Variants in CDCA7L observed in about 807,000 individuals in gnomAD.
CDCA7L encodes cell division cycle associated 7 like, also known as cell division cycle-associated 7-like protein.
Under a neutral mutation model 57.4 loss-of-function variants are expected in CDCA7L, and 44 were observed. The ratio of observed to expected loss-of-function variants is 0.77; its 90% confidence interval spans 0.60 to 0.98. The LOEUF (loss-of-function observed/expected upper bound fraction) is 0.98, where lower values mean the gene tolerates loss of function less well. Ranked by LOEUF, CDCA7L falls within the 50% of genes least tolerant of loss-of-function variation. The pLI is 0.00. For missense variants in CDCA7L, 644 were observed against 580.6 expected (o/e 1.11, Z -1.12); for synonymous variants, 236 against 202.8 (o/e 1.16, Z -1.39).
rs1784805884 is a variant in CDCA7L at position 21,901,173 on chromosome 7, C to T, written c.*1149G>A. ...GAACCAAACTGAGAGGCCCCAGCTACATCTGGACCTTCAGGCTGAAGAGCG... is the reference window on the plus strand; with the variant it reads ...GAACCAAACTGAGAGGCCCCAGCTATATCTGGACCTTCAGGCTGAAGAGCG... On this transcript the variant is annotated 3_prime_UTR_variant, in exon 10 of 10. Coordinates refer to ENST00000406877, the MANE Select transcript of CDCA7L (RefSeq NM_018719.5). 1.9e-6 allele frequency: 3 copies of T among 1,610,624 alleles called. No individual in the cohort carries two copies. The highest frequency in any genetic ancestry group is 1.3e-5 in the African/African-American group (1 of 74,854).
chr7:21,928,970 T>A (rs1785910389), intron 1 of CDCA7L, among the ~76,000 whole-genome samples: 1 of 151,512 alleles, frequency 6.6e-6, no homozygotes, highest in Non-Finnish European at 1.5e-5. Flanking sequence ...ACAAAGATAC[T>A]CCTCGAGAAG....
In CDCA7L at chr7:21,902,776, T is replaced by A. The variant is rs545687653; in HGVS notation, c.1334+202A>T. 5 of 552,634 alleles carry A rather than the reference T, an allele frequency of 9.0e-6. No individual in the cohort carries two copies. In the Admixed American group the frequency reaches 1.7e-4, roughly 19 times the overall value. The allele number at this position is 552,634 out of a possible 1,614,324, so 34.2% of individuals were successfully genotyped here. A position where few individuals can be genotyped will look rare whatever the true frequency, so the allele number is the denominator to read the frequency against. Reference sequence around the variant, plus strand: ...GGCAACGTGGAGTTGAGTTGAAAAATCTAGCAAAGGAGAAGATTCCCTAAT... The same window carrying A: ...GGCAACGTGGAGTTGAGTTGAAAAAACTAGCAAAGGAGAAGATTCCCTAAT... On this transcript the variant is annotated intron_variant, in intron 9 of 9. Coordinates refer to ENST00000406877, the MANE Select transcript of CDCA7L (RefSeq NM_018719.5).
Position 21,904,133 on chromosome 7 carries a change from C to G in CDCA7L, c.1174G>C (p.Val392Leu). Residue 392 changes from valine (V) to leucine (L), a missense_variant, in exon 8 of 10, where the codon GTC becomes CTC. By Grantham distance (32) the Val-to-Leu change is conservative. Transcript: ENST00000406877. Reference sequence around the variant, plus strand: ...ACCGGGTCCAGCAATGCCGATCTGACATCCTCCCCATAGCGGTTCCGCAGG... The same window carrying G: ...ACCGGGTCCAGCAATGCCGATCTGAGATCCTCCCCATAGCGGTTCCGCAGG... ...PCLRNRYGED[V>L]RSALLDPDWV... is the part of the protein sequence containing the mutation. 6.2e-7 allele frequency: 1 copy of G among 1,607,158 alleles called. No homozygotes were observed. The highest frequency in any genetic ancestry group is 8.5e-7 in the Non-Finnish European group (1 of 1,177,170).
intron 3 of CDCA7L, 80 bp from the exon 4 acceptor site, chr7:21,908,587 A>T: frequency 7.4e-7 from 1 of 1,350,618 alleles, no homozygotes; most frequent in Non-Finnish European, 9.8e-7. Context: ...AACAACTGAC[A>T]GCATTATGAG....
intron 1 of CDCA7L, among the ~76,000 whole-genome samples, chr7:21,925,751 T>G (rs902423116): frequency 1.3e-5 from 2 of 152,038 alleles, no homozygotes; most frequent in Non-Finnish European, 2.9e-5. Context: ...TAGCCAGGCA[T>G]AGTGGCATGT....
Position 21,903,041 on chromosome 7 carries a change from G to C in CDCA7L, c.1271C>G (p.Thr424Arg). Reference protein sequence around the residue: ...YCRKRDGRCATGILIHLAKFY... With the variant: ...YCRKRDGRCARGILIHLAKFY... ...CTTGGCCAGATGAATGAGGATTCCT[G>C]TGGCACAGCGGCCGTCACGCTTCCG... Residue 424 changes from threonine (T) to arginine (R), a missense_variant, in exon 9 of 10, where the codon ACA becomes AGA. By Grantham distance (71) the Thr-to-Arg change is moderately conservative (BLOSUM62 -1). Coordinates refer to ENST00000406877, the MANE Select transcript of CDCA7L (RefSeq NM_018719.5). 6.2e-7 allele frequency: 1 copy of C among 1,613,876 alleles called. No homozygotes were observed. The highest frequency in any genetic ancestry group is 8.5e-7 in the Non-Finnish European group (1 of 1,179,760).
chr7:21,923,107 C>T (rs146137285), intron 1 of CDCA7L, among the ~76,000 whole-genome samples: 70 of 152,278 alleles, frequency 4.6e-4, no homozygotes, highest in African/African-American at 1.6e-3. Context: ...CACTACTGAA[C>T]CATACATTTT....
At chr7:21,930,742 C>T (rs1785983697) in intron 1 of CDCA7L, among the ~76,000 whole-genome samples, 1 of 145,730 alleles carries the variant, frequency 6.9e-6, no homozygotes, top group Non-Finnish European at 1.5e-5. Flanking sequence ...GACGCAAGAG[C>T]CATCAAATTC....
rs776221731 is a variant in CDCA7L at position 21,908,463 on chromosome 7, C to T, written c.348G>A (p.Val116=). 1.3e-6 allele frequency: 2 copies of T among 1,554,758 alleles called. No homozygotes were observed. The highest frequency in any genetic ancestry group is 1.7e-6 in the Non-Finnish European group (2 of 1,158,150). The change falls in exon 4 of 10, where the codon GTG becomes GTA. Residue 116 remains valine, a synonymous_variant. Transcript: ENST00000406877. ...DLSDDGKASL[V]SEEEEDEEED... ...CTTCTTCATCTTCCTCTTCCTCGCT[C>T]ACCAAAGATGCTTTGCCATCATCAC... is the stretch of plus-strand genomic sequence containing the variant.
intron 8 of CDCA7L, 44 bp downstream of exon 8, chr7:21,904,066 C>CCTTCACCAATACAATTTA: frequency 6.6e-7 from 1 of 1,510,002 alleles, no homozygotes; most frequent in East Asian, 2.4e-5. Flanking sequence ...TAGCTTGCTT[C>CCTTCACCAATACAATTTA]CTTCACCAAT....
Position 21,945,772 on chromosome 7 carries a change from G to A in CDCA7L, c.24+9C>T, listed in dbSNP as rs1786506185. 3 of 1,599,372 alleles carry A rather than the reference G, an allele frequency of 1.9e-6. No individual in the cohort carries two copies. The highest frequency in any genetic ancestry group is 1.4e-5 in the African/African-American group (1 of 73,012). On this transcript the variant is annotated intron_variant, in intron 1 of 9. Transcript: ENST00000406877. ...GCGTCCGGACGGCGGCGGGCGGCCG[G>A]ACCCTCACCTGGTAGCGAGTCGCCA...
intron 1 of CDCA7L, among the ~76,000 whole-genome samples, chr7:21,945,549 A>G (rs10263850): frequency 0.052 from 7,915 of 151,784 alleles, 732 homozygotes; most frequent in African/African-American, 0.18. Context: ...CGCCAGGCTG[A>G]GCGCGGTTGT....
intron 1 of CDCA7L, among the ~76,000 whole-genome samples, chr7:21,924,255 G>A (rs536579874): frequency 1.3e-5 from 2 of 152,092 alleles, no homozygotes; most frequent in South Asian, 4.2e-4. Context: ...CTGATACAAG[G>A]GCTGATTCTG....
At chr7:21,938,684 G>A (rs1436067581) in intron 1 of CDCA7L, among the ~76,000 whole-genome samples, 4 of 152,144 alleles carry the variant, frequency 2.6e-5, no homozygotes, top group Non-Finnish European at 5.9e-5. Flanking sequence ...AAGATGGTAT[G>A]TACACATAAG....
rs999832075 is a variant in CDCA7L, at chr7:21,902,304, G to C, written c.*18C>G. ...GGAGTACTCTATGGTGAGGTGGCTGGTTCTGTTTGTTTTCCTCTTAATTGT... is the reference window on the plus strand; with the variant it reads ...GGAGTACTCTATGGTGAGGTGGCTGCTTCTGTTTGTTTTCCTCTTAATTGT... On this transcript the variant is annotated 3_prime_UTR_variant, in exon 10 of 10. Coordinates refer to ENST00000406877, the MANE Select transcript of CDCA7L (RefSeq NM_018719.5). The C allele has an allele frequency of 1.2e-6, 2 of 1,613,318 alleles. No homozygotes were observed. The highest frequency in any genetic ancestry group is 2.7e-5 in the African/African-American group (2 of 74,904).
At chr7:21,905,671 G>C (rs1237144141) in intron 6 of CDCA7L, 40 bp from the exon 7 acceptor site, 2 of 1,585,746 alleles carry the variant, frequency 1.3e-6, no homozygotes, top group Non-Finnish European at 1.7e-6. Context: ...GATGTGTTGA[G>C]CAGTTATAAA....
At position 21,902,180 on chromosome 7, in the gene CDCA7L, A is replaced by ATCTT. The variant is rs557620680; in HGVS notation, c.*138_*141dup. 2.7e-5 allele frequency: 22 copies of ATCTT among 821,708 alleles called. No individual in the cohort carries two copies. Among genetic ancestry groups the ATCTT allele is most frequent in the Admixed American group, 1.9e-4 (9 of 46,504 alleles). The allele number at this position is 821,708 out of a possible 1,614,324, so 50.9% of individuals were successfully genotyped here. ...AGAAATCTTTGTAAGCATATAAACA[A>ATCTT]TCTTTAACAAAAAATAGTAATTTCT... is the stretch of plus-strand genomic sequence containing the variant. On this transcript the variant is annotated 3_prime_UTR_variant, in exon 10 of 10. Coordinates refer to ENST00000406877, the MANE Select transcript of CDCA7L (RefSeq NM_018719.5).
At chr7:21,918,954 C>T (rs1285977956) in intron 1 of CDCA7L, among the ~76,000 whole-genome samples, 1 of 152,142 alleles carries the variant, frequency 6.6e-6, no homozygotes, top group Admixed American at 6.6e-5. Flanking sequence ...TCTTGCTCAA[C>T]AGTTTCAGCG....
chr7:21,909,763 C>T (rs1785255255), intron 3 of CDCA7L, among the ~76,000 whole-genome samples: 1 of 152,122 alleles, frequency 6.6e-6, no homozygotes, highest in African/African-American at 2.4e-5. Context: ...CTCTCTTTAC[C>T]AGATGTGGAA....
Sources: gnomAD v4.1 joint callset for allele counts (sites outside exome capture counted in the v4.1 genomes callset) on GRCh38, gnomAD v4.1.1 for gene constraint, MANE v1.5 for transcripts, NCBI Gene and HGNC (gene_info 2026-07-23, HGNC 2026-07-21) for gene names.